INTS10: variants seen among roughly 807,000 people sequenced by gnomAD.
The protein encoded by INTS10 is integrator complex subunit 10.
A neutral mutation model predicts 94.4 loss-of-function variants in INTS10; 44 were observed. The ratio of observed to expected loss-of-function variants is 0.47; its 90% CI spans 0.37 to 0.60. The LOEUF (loss-of-function observed/expected upper bound fraction) is 0.60, where lower values mean the gene tolerates loss of function less well. Ranked by LOEUF, INTS10 falls within the 20% of genes least tolerant of loss-of-function variation. The probability of loss-of-function intolerance (pLI) is 0.00; values close to 1 mark genes in which losing one functional copy is unlikely to be tolerated. For synonymous variants in INTS10, 341 were observed against 320.7 expected (o/e 1.06, Z -0.68); for missense variants, 797 against 868.7 (o/e 0.92, Z 1.04).
chr8:19,839,476 G>A (rs995019172), intron 13 of INTS10, among the ~76,000 whole-genome samples: 4 of 152,156 alleles, frequency 2.6e-5, no homozygotes, highest in Non-Finnish European at 4.4e-5. Context: ...GATGCAGGTG[G>A]ATTGCTTGAG....
In INTS10 at chr8:19,819,657, A is replaced by T. The variant is rs1331346266; in HGVS notation, c.282A>T (p.Lys94Asn). Residue 94 changes from lysine (K) to asparagine (N), a missense_variant, in exon 3 of 17, where the codon AAA (lysine) becomes AAT (asparagine). Physicochemically the swap from Lys to Asn is moderately conservative, Grantham distance 94 (BLOSUM62 0). Transcript: ENST00000397977. ...TSALRNDSQD[K>N]QTQFLRSLFE... ...CATTAAGGAACGATTCACAGGACAA[A>T]CAAACCCAATTTTTAAGAAGTAAGA... 1 of 1,612,466 alleles carries T rather than the reference A, an allele frequency of 6.2e-7. No individual in the cohort carries two copies. Among genetic ancestry groups the T allele is most frequent in the Non-Finnish European group, 8.5e-7 (1 of 1,178,782 alleles).
rs747784504 is a variant in INTS10 at position 19,832,157 on chromosome 8, C to G, written c.1377+47C>G. 11 of 1,034,066 alleles carry G rather than the reference C, an allele frequency of 1.1e-5. No homozygotes were observed. In the African/African-American group the frequency reaches 1.7e-4, roughly 16 times the overall value. The allele number at this position is 1,034,066 out of a possible 1,614,324, so 64.1% of individuals were successfully genotyped here. On this transcript the variant is annotated intron_variant, in intron 11 of 16. Transcript: ENST00000397977. ...AGGTACCTGTGTCTGTACAGCATGG[C>G]TATGGTGGCAAACCAGCTTTCCTAT...
At chr8:19,833,827 G>A (rs2067435425) in intron 12 of INTS10, among the ~76,000 whole-genome samples, 1 of 152,062 alleles carries the variant, frequency 6.6e-6, no homozygotes, top group African/African-American at 2.4e-5. Context: ...GGCCAACATG[G>A]TGAAACCCCA....
intron 8 of INTS10, among the ~76,000 whole-genome samples, chr8:19,826,088 A>C (rs1048277379): frequency 2.4e-4 from 37 of 151,586 alleles, no homozygotes; most frequent in African/African-American, 8.5e-4. Flanking sequence ...ATTTTTTTTA[A>C]TTTTATTTAT....
chr8:19,824,173 AAAAGAGGATGGTTTTT>A lies in INTS10; in HGVS notation c.836+130_836+145del. 9 of 673,806 alleles carry A rather than the reference AAAAGAGGATGGTTTTT, an allele frequency of 1.3e-5. No individual in the cohort carries two copies. The East Asian group carries it at 2.5e-4, about 19-fold the overall frequency. 41.7% of individuals were successfully genotyped at this position (673,806 alleles called of 1,614,324 possible). A position where few individuals can be genotyped will look rare whatever the true frequency, so the allele number is the denominator to read the frequency against. On this transcript the variant is annotated intron_variant, in intron 7 of 16. Transcript: ENST00000397977. ...GGGCAAATTTTGTGACACTCAATGC[AAAAGAGGATGGTTTTT>A]CATTTTATCAAAACATTTCTGACTG...
At position 19,826,552 on chromosome 8, in the gene INTS10, A is replaced by C. The variant is rs1051527049; in HGVS notation, c.1133A>C (p.Lys378Thr). The change falls in exon 9 of 17, where the codon AAA becomes ACA. Residue 378 changes from lysine (K) to threonine (T), a missense_variant. By Grantham distance (78) the Lys-to-Thr change is moderately conservative. Coordinates refer to ENST00000397977, the MANE Select transcript of INTS10 (RefSeq NM_018142.4). ...KKRKLAEGRE[K>T]TMSSDDEDCS... ...AGGAAACTAGCTGAAGGAAGAGAAA[A>C]AACCATGGTAAGGCTTTCAAATATA... 6.2e-7 allele frequency: 1 copy of C among 1,611,174 alleles called. No homozygotes were observed. Among genetic ancestry groups the C allele is most frequent in the African/African-American group, 1.3e-5 (1 of 74,620 alleles).
At chr8:19,834,087 C>T (rs1358648509) in intron 12 of INTS10, among the ~76,000 whole-genome samples, 2 of 151,964 alleles carry the variant, frequency 1.3e-5, no homozygotes, top group Non-Finnish European at 2.9e-5. Context: ...GGTTTCAAGC[C>T]CTTCCTACTA....
intron 5 of INTS10, among the ~76,000 whole-genome samples, chr8:19,822,865 G>T (rs1389142947): frequency 3.3e-5 from 5 of 151,738 alleles, no homozygotes; most frequent in African/African-American, 1.2e-4. Context: ...CAGGAGAGTC[G>T]CTTGAAACTG....
At chr8:19,823,817 C>T in intron 6 of INTS10, 56 bp from the exon 7 acceptor site, 2 of 1,380,768 alleles carry the variant, frequency 1.4e-6, no homozygotes, top group Admixed American at 2.4e-5. Context: ...TATCAGGTAC[C>T]ATGTCAACAG....
intron 12 of INTS10, 102 bp from the exon 13 acceptor site, chr8:19,836,950 T>C: frequency 1.3e-6 from 1 of 744,810 alleles, no homozygotes; most frequent in Non-Finnish European, 2.4e-6. Flanking sequence ...CAGACTTCCA[T>C]GTACACATTG....
intron 7 of INTS10, 107 bp downstream of exon 7, chr8:19,824,151 C>A: frequency 2.2e-6 from 2 of 923,422 alleles, no homozygotes; most frequent in Non-Finnish European, 1.6e-6. Context: ...AGTTTTTGGG[C>A]AAATTTTGTG....
intron 13 of INTS10, among the ~76,000 whole-genome samples, chr8:19,838,497 G>A (rs920056690): frequency 6.6e-6 from 1 of 152,166 alleles, no homozygotes; most frequent in African/African-American, 2.4e-5. Context: ...CTTTACTGGT[G>A]AATTCTATCA....
Position 19,817,463 on chromosome 8 carries a change from G to C in INTS10, c.-75G>C. Reference sequence around the variant, plus strand: ...CGCGGTGGCGGCGGCGGCGGCGGTGGCTGCCGTGGCGGCTGAGAGTCCAGA... The same window carrying C: ...CGCGGTGGCGGCGGCGGCGGCGGTGCCTGCCGTGGCGGCTGAGAGTCCAGA... On this transcript the variant is annotated 5_prime_UTR_variant, in exon 1 of 17. Coordinates refer to ENST00000397977, the MANE Select transcript of INTS10 (RefSeq NM_018142.4). 3 of 1,540,264 alleles carry C rather than the reference G, an allele frequency of 1.9e-6. No individual in the cohort carries two copies. Among genetic ancestry groups the C allele is most frequent in the Non-Finnish European group, 2.6e-6 (3 of 1,147,068 alleles).
Position 19,820,390 on chromosome 8 carries a change from A to G in INTS10, c.313A>G (p.Thr105Ala), listed in dbSNP as rs781753460. The change falls in exon 4 of 17, where the codon ACT (threonine) becomes GCT (alanine). Residue 105 changes from threonine (T) to alanine (A), a missense_variant. Physicochemically the swap from Thr to Ala is moderately conservative, Grantham distance 58. Around this residue, in one of 3 missense-constraint regions of INTS10, gnomAD observed 734 missense variants for 787.8 expected, o/e 0.93. Transcript: ENST00000397977. ...TATGTTTCGTACAGGTTTATTTGAA[A>G]CTCTTCCTGGTCGGGTCCAGTGTGA... The part of the protein sequence containing the change: ...QTQFLRSLFE[T>A]LPGRVQCEML... The G allele has an allele frequency of 1.5e-5, 24 of 1,608,920 alleles. No individual in the cohort carries two copies. Among genetic ancestry groups the G allele is most frequent in the Non-Finnish European group, 2.0e-5 (23 of 1,176,870 alleles).
At position 19,845,753 on chromosome 8, in the gene INTS10, G is replaced by A. The variant is rs377099952; in HGVS notation, c.1932G>A (p.Gly644=). 3.1e-6 allele frequency: 5 copies of A among 1,613,868 alleles called. No individual in the cohort carries two copies. In the African/African-American group the frequency reaches 5.3e-5, roughly 17 times the overall value. ...EFAYLRTQEG[G]KIHLELLPNQ... is the part of the protein sequence containing the mutation. ...CCTACTTGAGAACTCAGGAAGGTGG[G>A]AAAATTCATCTGGAATTACTACCCA... The change falls in exon 16 of 17, where the codon GGG becomes GGA. Residue 644 remains glycine, a synonymous_variant. Coordinates refer to ENST00000397977, the MANE Select transcript of INTS10 (RefSeq NM_018142.4).
At chr8:19,835,349 C>T (rs1476773898) in intron 12 of INTS10, among the ~76,000 whole-genome samples, 4 of 152,010 alleles carry the variant, frequency 2.6e-5, no homozygotes, top group African/African-American at 4.8e-5. Flanking sequence ...TGTTGAATCC[C>T]GCTGTTGGCT....
At position 19,837,276 on chromosome 8, in the gene INTS10, G is replaced by C. The variant is rs185507097; in HGVS notation, c.1639+116G>C. ...GTCGAGGCGGGAGGATAGCTTTTGA[G>C]CCCAGGAGTTTGAGACCAGCCTGGG... is the stretch of plus-strand genomic sequence containing the variant. On this transcript the variant is annotated intron_variant, in intron 13 of 16. Coordinates refer to ENST00000397977, the MANE Select transcript of INTS10 (RefSeq NM_018142.4). The C allele has an allele frequency of 7.9e-5, 56 of 712,202 alleles. No individual in the cohort carries two copies. In the Middle Eastern group the frequency reaches 2.5e-3, roughly 32 times the overall value. The allele number at this position is 712,202 out of a possible 1,614,324, so 44.1% of individuals were successfully genotyped here.
chr8:19,826,698 C>T (rs987941949), intron 9 of INTS10, 139 bp downstream of exon 9: 2 of 798,240 alleles, frequency 2.5e-6, no homozygotes, highest in East Asian at 2.9e-5. Context: ...ATTACTAAGT[C>T]AGTGGTTCTC....
At chr8:19,830,917 C>A (rs1198372907) in intron 10 of INTS10, among the ~76,000 whole-genome samples, 1 of 152,178 alleles carries the variant, frequency 6.6e-6, no homozygotes, top group African/African-American at 2.4e-5. Context: ...CGTGATCCGC[C>A]CACCTTGGCC....
Sources: allele counts gnomAD v4.1 joint callset (sites outside exome capture counted in the v4.1 genomes callset), GRCh38; gene constraint gnomAD v4.1.1; regional missense constraint gnomAD v4.1.1; transcripts MANE v1.5; gene names NCBI Gene and HGNC (gene_info 2026-07-23, HGNC 2026-07-21).